Variants in TRAPPC9 observed in about 807,000 individuals in gnomAD.
TRAPPC9 encodes the protein IKK2 binding protein.
TRAPPC9 carries 83 observed loss-of-function variants against 124.0 expected under a neutral mutation model. The ratio of observed to expected loss-of-function variants is 0.67; its 90% CI spans 0.56 to 0.80. TRAPPC9 has a LOEUF of 0.80. Among genes scored for constraint, TRAPPC9 ranks in the 30% least tolerant of loss-of-function variants. TRAPPC9 has a pLI of 0.00. For missense variants in TRAPPC9, 1,302 were observed against 1,508.3 expected (o/e 0.86, Z 2.27); for synonymous variants, 638 against 617.5 (o/e 1.03, Z -0.49).
chr8:140,393,556 A>G (rs1336954060), intron 7 of TRAPPC9, among the ~76,000 whole-genome samples: 1 of 152,254 alleles, frequency 6.6e-6, no homozygotes, highest in African/African-American at 2.4e-5. Flanking sequence ...GAAGGAACTC[A>G]GCAGTGAATT....
At chr8:139,908,457 A>T (rs1159047082) in intron 20 of TRAPPC9, among the ~76,000 whole-genome samples, 2 of 152,140 alleles carry the variant, frequency 1.3e-5, no homozygotes, top group Non-Finnish European at 2.9e-5. Context: ...GATTATCAGA[A>T]ACATGGGCCT....
In TRAPPC9 at chr8:140,353,366, C is replaced by T. The variant is rs1563968142; in HGVS notation, c.1495+6684G>A. ...TCTTTTCACAGTAGCATTAATATGA[C>T]CTATTTATAGTATGCATTTTTTCCC... On this transcript the variant is annotated intron_variant, in intron 9 of 22. Coordinates refer to ENST00000438773, the MANE Select transcript of TRAPPC9 (RefSeq NM_001160372.4). This position sits in a 1 kb window ranked among gnomAD's most constrained non-coding sequence, Gnocchi z 4.2. Among the ~76,000 whole-genome samples, 1 of 151,784 alleles carries T rather than the reference C, an allele frequency of 6.6e-6. No homozygotes were observed. The highest frequency in any genetic ancestry group is 1.9e-4 in the East Asian group (1 of 5,174).
intron 17 of TRAPPC9, among the ~76,000 whole-genome samples, chr8:140,183,618 G>C (rs553067544): frequency 2.1e-4 from 32 of 151,996 alleles, no homozygotes; most frequent in Admixed American, 5.2e-4. Context: ...CAGCACTTTG[G>C]GAGGCCAAGG....
At chr8:139,971,748 T>TACACAC (rs6150859) in intron 19 of TRAPPC9, among the ~76,000 whole-genome samples, 1,767 of 146,042 alleles carry the variant, frequency 0.012, 60 homozygotes, top group African/African-American at 0.044. Flanking sequence ...CATATATATA[T>TACACAC]ACACACACAC....
intron 20 of TRAPPC9, among the ~76,000 whole-genome samples, chr8:139,894,011 G>A (rs929104341): frequency 3.3e-5 from 5 of 152,194 alleles, no homozygotes; most frequent in South Asian, 2.1e-4. Flanking sequence ...TGTGGCAACC[G>A]CTTGGCACCA....
At chr8:139,935,116 G>A (rs1459314021) in intron 19 of TRAPPC9, among the ~76,000 whole-genome samples, 1 of 152,132 alleles carries the variant, frequency 6.6e-6, no homozygotes, top group Non-Finnish European at 1.5e-5. Flanking sequence ...CGAAAGACCA[G>A]ACAAGACATC....
In TRAPPC9 at chr8:140,206,175, A is replaced by G. The variant is rs550274810; in HGVS notation, c.2556+15284T>C. Among the ~76,000 whole-genome samples the G allele has an allele frequency of 1.0e-3, 153 of 152,372 alleles. 1 individual carries two copies. The highest frequency in any genetic ancestry group is 8.5e-4 in the Non-Finnish European group (58 of 68,032). On this transcript the variant is annotated intron_variant, in intron 17 of 22. Coordinates refer to ENST00000438773, the MANE Select transcript of TRAPPC9 (RefSeq NM_001160372.4). ...ATATGATCATCTCAAAAGATACATA[A>G]TAAGCATTCGGGAAAATTCAGTATC...
At chr8:139,787,403 G>C (rs1459351004) in intron 21 of TRAPPC9, among the ~76,000 whole-genome samples, 2 of 152,158 alleles carry the variant, frequency 1.3e-5, no homozygotes, top group South Asian at 2.1e-4. Context: ...CACCCTTTAA[G>C]GATGAGGACC....
chr8:139,965,557 A>T (rs985790780), intron 19 of TRAPPC9, among the ~76,000 whole-genome samples: 11 of 152,270 alleles, frequency 7.2e-5, no homozygotes, highest in African/African-American at 2.6e-4. Flanking sequence ...AAAATTTATC[A>T]AGAACAAAGA....
rs145044506 is a variant in TRAPPC9 at position 140,111,517 on chromosome 8, C to T, written c.2557-87438G>A. 3.2e-3 allele frequency among the ~76,000 whole-genome samples: 485 copies of T among 152,314 alleles called. 3 individuals are homozygous for T. The highest frequency in any genetic ancestry group is 0.011 in the African/African-American group (452 of 41,572). ...ACTCCCAGCCCCTTCCCTAACAGCA[C>T]CTGGAACGAGGTGGGCACTCAGCGA... is the stretch of plus-strand genomic sequence containing the variant. On this transcript the variant is annotated intron_variant, in intron 17 of 22. Coordinates refer to ENST00000438773, the MANE Select transcript of TRAPPC9 (RefSeq NM_001160372.4).
At chr8:139,976,955 T>C (rs1836518144) in intron 19 of TRAPPC9, among the ~76,000 whole-genome samples, 1 of 152,156 alleles carries the variant, frequency 6.6e-6, no homozygotes, top group Non-Finnish European at 1.5e-5. Context: ...TTTCCAATCC[T>C]GCAGGGCCGC....
At chr8:140,045,497 C>T (rs969916397) in intron 17 of TRAPPC9, among the ~76,000 whole-genome samples, 1 of 151,760 alleles carries the variant, frequency 6.6e-6, no homozygotes, top group African/African-American at 2.4e-5. Context: ...TGTGGCGGCA[C>T]GCACCTGTAG....
intron 19 of TRAPPC9, among the ~76,000 whole-genome samples, chr8:139,950,104 G>A (rs1388419667): frequency 3.3e-5 from 5 of 152,254 alleles, no homozygotes; most frequent in Admixed American, 6.5e-5. Flanking sequence ...ATGGCGAGGC[G>A]AGTGGTAAGT....
intron 20 of TRAPPC9, among the ~76,000 whole-genome samples, chr8:139,905,941 A>C (rs1252336748): frequency 6.6e-6 from 1 of 151,758 alleles, no homozygotes; most frequent in Non-Finnish European, 1.5e-5. Flanking sequence ...AAAATACAAA[A>C]AAATTAGCCG....
At chr8:139,886,422 C>T (rs922279) in intron 20 of TRAPPC9, among the ~76,000 whole-genome samples, 54,860 of 152,076 alleles carry the variant, frequency 0.36, 11,223 homozygotes, top group South Asian at 0.53. Flanking sequence ...CATATTATTA[C>T]GAACGAACTC....
intron 18 of TRAPPC9, among the ~76,000 whole-genome samples, chr8:139,997,403 A>ACAGAAGAGACAATGCATCCTACC (rs1355874995): frequency 2.2e-4 from 33 of 151,444 alleles, no homozygotes; most frequent in African/African-American, 7.8e-4. Context: ...TGCATCCCAC[A>ACAGAAGAGACAATGCATCCTACC]CAGAAGAGAC....
At chr8:140,236,772 T>C (rs2063740830) in intron 16 of TRAPPC9, among the ~76,000 whole-genome samples, 3 of 152,234 alleles carry the variant, frequency 2.0e-5, no homozygotes, top group South Asian at 4.1e-4. Flanking sequence ...TATTCATAGA[T>C]AGGAAGACTA....
intron 21 of TRAPPC9, among the ~76,000 whole-genome samples, chr8:139,873,237 T>C (rs1012309792): frequency 1.3e-5 from 2 of 152,154 alleles, no homozygotes; most frequent in Non-Finnish European, 2.9e-5. Flanking sequence ...CTGGGAACGC[T>C]GGGTCAGTCC....
intron 17 of TRAPPC9, among the ~76,000 whole-genome samples, chr8:140,114,760 CG>C (rs2060847654): frequency 6.6e-6 from 1 of 152,002 alleles, no homozygotes; most frequent in Admixed American, 6.5e-5. Context: ...AAAGCCTCCT[CG>C]GAAACAGAAA....
Sources: gnomAD v4.1 joint callset for allele counts (sites outside exome capture counted in the v4.1 genomes callset) on GRCh38, gnomAD v4.1.1 for gene constraint, Gnocchi (gnomAD v3.1) non-coding constraint, MANE v1.5 for transcripts, NCBI Gene and HGNC (gene_info 2026-07-23, HGNC 2026-07-21) for gene names.